The following GPC5 variants were observed in gnomAD, a reference collection of about 807,000 sequenced individuals.
GPC5 encodes glypican-5.
A neutral mutation model predicts 53.9 loss-of-function variants in GPC5; 47 were observed. The observed-to-expected ratio is 0.87, with a 90% CI of 0.69 to 1.11. The LOEUF (loss-of-function observed/expected upper bound fraction) is 1.11. GPC5 is among the 50% of genes most tolerant of loss of function. The pLI, the probability that GPC5 is intolerant of heterozygous loss-of-function variation, is 0.00. For synonymous variants in GPC5, 286 were observed against 263.3 expected, an observed-to-expected ratio of 1.09 and a Z score of -0.84; for missense variants, 748 against 713.1, an observed-to-expected ratio of 1.05 and a Z score of -0.56.
At chr13:92,083,966 T>G (rs2041316658) in intron 6 of GPC5, among the ~76,000 whole-genome samples, 1 of 152,206 alleles carries the variant, frequency 6.6e-6, no homozygotes, top group African/African-American at 2.4e-5. Flanking sequence ...GATCATGTCC[T>G]TTGCAGGGAC....
At chr13:92,444,371 C>T (rs1877706113) in intron 7 of GPC5, among the ~76,000 whole-genome samples, 2 of 152,104 alleles carry the variant, frequency 1.3e-5, no homozygotes, top group East Asian at 3.9e-4. Flanking sequence ...TATTGAGCAG[C>T]CTCTGTGTGC....
intron 7 of GPC5, among the ~76,000 whole-genome samples, chr13:92,513,170 C>T (rs536680980): frequency 7.1e-4 from 108 of 152,192 alleles, no homozygotes; most frequent in African/African-American, 2.5e-3. Context: ...AGGAGAAGGG[C>T]GGGAATCAGC....
At chr13:92,025,342 C>A (rs2040792439) in intron 6 of GPC5, among the ~76,000 whole-genome samples, 1 of 152,066 alleles carries the variant, frequency 6.6e-6, no homozygotes, top group Admixed American at 6.6e-5. Context: ...CTGATCTCTC[C>A]CCCAAAACAC....
intron 4 of GPC5, among the ~76,000 whole-genome samples, chr13:91,740,541 A>T (rs1388241308): frequency 2.0e-5 from 3 of 152,072 alleles, no homozygotes; most frequent in African/African-American, 7.2e-5. Flanking sequence ...TGGAGACGTA[A>T]TTGTCCTGAT....
intron 6 of GPC5, among the ~76,000 whole-genome samples, chr13:92,107,392 T>C (rs1383836172): frequency 2.0e-5 from 3 of 152,096 alleles, no homozygotes; most frequent in Non-Finnish European, 4.4e-5. Flanking sequence ...TCTTGTGATA[T>C]GCCTAGGTTA....
chr13:92,512,884 A>T (rs909773750), intron 7 of GPC5, among the ~76,000 whole-genome samples: 1 of 152,188 alleles, frequency 6.6e-6, no homozygotes, highest in Non-Finnish European at 1.5e-5. Context: ...GAGTAGCTAC[A>T]GTCCTCCTTC....
At position 92,801,166 on chromosome 13, in the gene GPC5, A is replaced by T. The variant is rs117303743; in HGVS notation, c.1562-65116A>T. ...GTATAATATTGTTATGCAACCCATG[A>T]CTATGTGAACACATGTGTGCTTGTT... On this transcript the variant is annotated intron_variant, in intron 7 of 7. Transcript: ENST00000377067. 7.4e-4 allele frequency among the ~76,000 whole-genome samples: 112 copies of T among 151,634 alleles called. 1 individual carries two copies. The East Asian group carries it at 0.017, about 23-fold the overall frequency.
intron 6 of GPC5, among the ~76,000 whole-genome samples, chr13:92,054,463 A>G (rs1165051315): frequency 6.6e-6 from 1 of 152,116 alleles, no homozygotes; most frequent in East Asian, 1.9e-4. Flanking sequence ...TATTTTATGT[A>G]TATTAATTTA....
At chr13:92,533,148 G>T (rs947286062) in intron 7 of GPC5, among the ~76,000 whole-genome samples, 13 of 151,930 alleles carry the variant, frequency 8.6e-5, no homozygotes, top group African/African-American at 2.9e-4. Flanking sequence ...GAATCCAATG[G>T]GAAAAACAAT....
intron 7 of GPC5, among the ~76,000 whole-genome samples, chr13:92,246,591 T>C (rs2042652562): frequency 6.6e-6 from 1 of 152,126 alleles, no homozygotes; most frequent in Admixed American, 6.6e-5. Flanking sequence ...CATCATTTCC[T>C]ACTATTTCTG....
intron 5 of GPC5, among the ~76,000 whole-genome samples, chr13:91,832,315 T>G (rs1447941196): frequency 6.6e-6 from 1 of 150,776 alleles, no homozygotes. Flanking sequence ...TTTTTTTTTT[T>G]TTTGCTTTCC....
intron 7 of GPC5, among the ~76,000 whole-genome samples, chr13:92,226,143 C>T (rs954551318): frequency 6.6e-6 from 1 of 152,102 alleles, no homozygotes; most frequent in Non-Finnish European, 1.5e-5. Context: ...GCCTTGCTTC[C>T]CCTTTGCCTT....
At chr13:92,490,117 C>T (rs1329269781) in intron 7 of GPC5, 1 of 154,346 alleles carries the variant, frequency 6.5e-6, no homozygotes, top group African/African-American at 2.4e-5. Flanking sequence ...CCCGAAAACT[C>T]CAAGCTGAAT....
intron 7 of GPC5, among the ~76,000 whole-genome samples, chr13:92,389,559 G>A (rs1874901230): frequency 6.6e-6 from 1 of 152,066 alleles, no homozygotes; most frequent in Admixed American, 6.6e-5. Flanking sequence ...CTTACTACCA[G>A]TAGTCCTAGC....
chr13:91,930,562 G>A (rs1046705296), intron 6 of GPC5, among the ~76,000 whole-genome samples: 1 of 151,832 alleles, frequency 6.6e-6, no homozygotes, highest in African/African-American at 2.4e-5. Context: ...ATATGAAATT[G>A]TCAGTATTCA....
intron 7 of GPC5, among the ~76,000 whole-genome samples, chr13:92,658,735 A>T (rs1445431547): frequency 1.3e-5 from 2 of 152,114 alleles, no homozygotes; most frequent in Non-Finnish European, 2.9e-5. Context: ...GAGATGAGGA[A>T]AAAAAGAAGA....
intron 4 of GPC5, among the ~76,000 whole-genome samples, chr13:91,741,740 GT>G (rs1594507989): frequency 6.6e-6 from 1 of 152,116 alleles, no homozygotes; most frequent in Non-Finnish European, 1.5e-5. Flanking sequence ...GAGTATATAT[GT>G]TTGTTTAGAT....
chr13:92,146,734 T>C (rs1039631005), intron 7 of GPC5, among the ~76,000 whole-genome samples: 2 of 152,072 alleles, frequency 1.3e-5, no homozygotes, highest in South Asian at 2.1e-4. Context: ...ATAGCTTAGG[T>C]CCCACTATGA....
chr13:91,426,686 C>T (rs1382168093), intron 1 of GPC5, among the ~76,000 whole-genome samples: 1 of 152,116 alleles, frequency 6.6e-6, no homozygotes, highest in African/African-American at 2.4e-5. Flanking sequence ...AGATGGAGGC[C>T]AGAAGACTTA....
Sources: allele counts gnomAD v4.1 joint callset (sites outside exome capture counted in the v4.1 genomes callset), GRCh38; gene constraint gnomAD v4.1.1; transcripts MANE v1.5; gene names NCBI Gene and HGNC (gene_info 2026-07-23, HGNC 2026-07-21).